Variants in RPS6KC1 observed in about 807,000 individuals in gnomAD.
RPS6KC1 encodes ribosomal protein S6 kinase C1.
Under a neutral mutation model 103.8 loss-of-function variants are expected in RPS6KC1, and 54 were observed. The observed-to-expected ratio is 0.52, with a 90% confidence interval of 0.42 to 0.65. The LOEUF (loss-of-function observed/expected upper bound fraction) is 0.65. Among genes scored for constraint, RPS6KC1 ranks in the 30% least tolerant of loss-of-function variants. The probability of loss-of-function intolerance (pLI) is 0.00; values close to 1 mark genes in which losing one functional copy is unlikely to be tolerated. For missense variants in RPS6KC1, 1,151 were observed against 1,253.8 expected (o/e 0.92, Z 1.24); for synonymous variants, 439 against 438.7 (o/e 1.00, Z -0.01).
At chr1:213,423,941 G>C in the RPS6KC1 span, among the ~76,000 whole-genome samples, 1 of 152,226 alleles carries the variant, frequency 6.6e-6, no homozygotes, top group Non-Finnish European at 1.5e-5. Context: ...TTTTCAAATT[G>C]AATGTATTTG....
intron 3 of RPS6KC1, among the ~76,000 whole-genome samples, chr1:213,088,566 A>G (rs1484137271): frequency 6.6e-6 from 1 of 152,120 alleles, no homozygotes; most frequent in Non-Finnish European, 1.5e-5. Context: ...CATGTTGCTC[A>G]GGCTGGTCTC....
At chr1:213,765,911 A>C in the RPS6KC1 span, among the ~76,000 whole-genome samples, 1 of 152,198 alleles carries the variant, frequency 6.6e-6, no homozygotes, top group Non-Finnish European at 1.5e-5. Context: ...AAACCAAGTG[A>C]TGATGGGGGT....
At chr1:213,162,272 A>C (rs2148096011) in intron 6 of RPS6KC1, among the ~76,000 whole-genome samples, 1 of 152,258 alleles carries the variant, frequency 6.6e-6, no homozygotes, top group Admixed American at 6.5e-5. Flanking sequence ...GTTTCTCATC[A>C]CTAAGAGACT....
the RPS6KC1 span, among the ~76,000 whole-genome samples, chr1:213,394,756 T>G: frequency 6.6e-6 from 1 of 152,208 alleles, no homozygotes; most frequent in East Asian, 1.9e-4. Flanking sequence ...TTCTCCTCTG[T>G]GGATATGCTC....
intron 7 of RPS6KC1, among the ~76,000 whole-genome samples, chr1:213,173,685 A>G (rs562392511): frequency 1.3e-5 from 2 of 152,288 alleles, no homozygotes; most frequent in South Asian, 2.1e-4. Context: ...TGATGTATCT[A>G]TGTAGTCCCG....
At chr1:213,856,914 TAATAAC>T in the RPS6KC1 span, among the ~76,000 whole-genome samples, 1 of 152,210 alleles carries the variant, frequency 6.6e-6, no homozygotes, top group Non-Finnish European at 1.5e-5. Context: ...CTAAAAATAG[TAATAAC>T]AACATAAGCT....
At chr1:213,658,562 C>A in the RPS6KC1 span, among the ~76,000 whole-genome samples, 1 of 152,156 alleles carries the variant, frequency 6.6e-6, no homozygotes, top group East Asian at 1.9e-4. Context: ...AATCTAGAGG[C>A]AAGACAGATC....
chr1:213,135,361 A>G, intron 6 of RPS6KC1, among the ~76,000 whole-genome samples: 1 of 152,144 alleles, frequency 6.6e-6, no homozygotes, highest in East Asian at 1.9e-4. Flanking sequence ...TATGGTTGGA[A>G]AAGAGGGACT....
the RPS6KC1 span, among the ~76,000 whole-genome samples, chr1:213,852,683 C>T: frequency 3.9e-5 from 6 of 152,174 alleles, no homozygotes; most frequent in South Asian, 2.1e-4. Context: ...ATTAGGAACA[C>T]GAAGATTCAT....
At chr1:213,430,578 T>C in the RPS6KC1 span, among the ~76,000 whole-genome samples, 1 of 152,234 alleles carries the variant, frequency 6.6e-6, no homozygotes, top group Non-Finnish European at 1.5e-5. Context: ...TATTTATGCC[T>C]TCATGTAGGA....
intron 8 of RPS6KC1, among the ~76,000 whole-genome samples, chr1:213,178,479 T>C: frequency 6.6e-6 from 1 of 151,604 alleles, no homozygotes; most frequent in Non-Finnish European, 1.5e-5. Context: ...AGGCAGAGGT[T>C]ACAATGAGCC....
the RPS6KC1 span, among the ~76,000 whole-genome samples, chr1:213,812,544 C>T: frequency 6.6e-6 from 1 of 152,128 alleles, no homozygotes; most frequent in Non-Finnish European, 1.5e-5. Flanking sequence ...TGTGGAAATT[C>T]AGGGATTGAC....
chr1:213,484,259 T>C, the RPS6KC1 span, among the ~76,000 whole-genome samples: 310 of 152,338 alleles, frequency 2.0e-3, no homozygotes, highest in African/African-American at 6.9e-3. Context: ...TATTATCTCC[T>C]TTGGGTCAGG....
the RPS6KC1 span, among the ~76,000 whole-genome samples, chr1:213,658,949 TTTTTC>T: frequency 4.6e-5 from 7 of 152,136 alleles, no homozygotes; most frequent in Non-Finnish European, 2.9e-5. Flanking sequence ...CTGATATTCT[TTTTTC>T]TTTTCTTTTC....
chr1:213,254,368 C>A (rs2094598110), intron 12 of RPS6KC1, among the ~76,000 whole-genome samples: 1 of 151,948 alleles, frequency 6.6e-6, no homozygotes, highest in Non-Finnish European at 1.5e-5. Flanking sequence ...ATTTAGTGAC[C>A]CTGATTCATT....
chr1:213,711,160 C>T, the RPS6KC1 span, among the ~76,000 whole-genome samples: 6 of 152,158 alleles, frequency 3.9e-5, no homozygotes, highest in African/African-American at 1.2e-4. Context: ...AGCAATCAAA[C>T]GTAGATTTGG....
chr1:213,118,410 T>A (rs749725817), intron 5 of RPS6KC1, among the ~76,000 whole-genome samples: 8 of 152,140 alleles, frequency 5.3e-5, no homozygotes, highest in Non-Finnish European at 1.2e-4. Context: ...TTATTAAAGG[T>A]AAAATAATAA....
the RPS6KC1 span, among the ~76,000 whole-genome samples, chr1:213,456,090 C>T: frequency 4.6e-5 from 7 of 152,204 alleles, no homozygotes; most frequent in East Asian, 3.9e-4. Context: ...CAATGAGGAG[C>T]GAGGCTTTGT....
the RPS6KC1 span, among the ~76,000 whole-genome samples, chr1:213,694,019 G>A: frequency 6.6e-6 from 1 of 152,178 alleles, no homozygotes; most frequent in African/African-American, 2.4e-5. Context: ...TCAGTGGGGC[G>A]ATAGCACCCA....
Sources: allele counts gnomAD v4.1 joint callset (sites outside exome capture counted in the v4.1 genomes callset), GRCh38; gene constraint gnomAD v4.1.1; transcripts MANE v1.5; gene names NCBI Gene and HGNC (gene_info 2026-07-23, HGNC 2026-07-21).